The following TANGO6 variants were observed in gnomAD, a reference collection of about 807,000 sequenced individuals.
TANGO6 encodes transport and Golgi organization protein 6 homolog.
TANGO6 carries 90 observed loss-of-function variants against 114.2 expected under a neutral mutation model. The observed-to-expected ratio is 0.79, with a 90% CI of 0.66 to 0.94. The LOEUF (loss-of-function observed/expected upper bound fraction) is 0.94, where lower values mean the gene tolerates loss of function less well. Among genes scored for constraint, TANGO6 ranks in the 40% least tolerant of loss-of-function variants. TANGO6 has a pLI of 0.00. For synonymous variants in TANGO6, 477 were observed against 509.8 expected (o/e 0.94, Z 0.87); for missense variants, 1,274 against 1,315.3 (o/e 0.97, Z 0.49).
intron 14 of TANGO6, among the ~76,000 whole-genome samples, chr16:68,942,533 A>G (rs1375639757): frequency 6.6e-6 from 1 of 152,210 alleles, no homozygotes; most frequent in Non-Finnish European, 1.5e-5. Context: ...ATCAAACCTG[A>G]TGAAAAGATT....
At chr16:68,964,502 G>A (rs1963624907) in intron 14 of TANGO6, among the ~76,000 whole-genome samples, 1 of 150,654 alleles carries the variant, frequency 6.6e-6, no homozygotes, top group Non-Finnish European at 1.5e-5. Context: ...TTTGCATCTT[G>A]CTTTTTACTT....
At chr16:68,918,773 G>A (rs757047417) in intron 11 of TANGO6, among the ~76,000 whole-genome samples, 22 of 152,214 alleles carry the variant, frequency 1.4e-4, no homozygotes, top group Non-Finnish European at 2.5e-4. Context: ...GGAGCTTCCC[G>A]CTTGCTGAAC....
intron 15 of TANGO6, among the ~76,000 whole-genome samples, chr16:69,007,973 C>A (rs766969911): frequency 2.5e-4 from 38 of 152,024 alleles, no homozygotes; most frequent in Non-Finnish European, 4.7e-4. Flanking sequence ...TTTTTCAGAT[C>A]TTTTTTAATT....
chr16:69,061,259 T>C (rs114202105), intron 17 of TANGO6, among the ~76,000 whole-genome samples: 3,867 of 152,202 alleles, frequency 0.025, 164 homozygotes, highest in African/African-American at 0.087. Context: ...CTAGAATCAC[T>C]CTGCTTTTCA....
At chr16:68,985,985 G>A (rs77922784) in intron 15 of TANGO6, among the ~76,000 whole-genome samples, 225 of 152,284 alleles carry the variant, frequency 1.5e-3, no homozygotes, top group African/African-American at 4.8e-3. Context: ...CAGGGGAGGT[G>A]GGTGGGTGGA....
chr16:68,855,911 T>C (rs1342499631), intron 1 of TANGO6, among the ~76,000 whole-genome samples: 1 of 152,182 alleles, frequency 6.6e-6, no homozygotes, highest in Non-Finnish European at 1.5e-5. Context: ...AATTTCATTT[T>C]CTCATTTTTG....
At chr16:68,957,694 C>T (rs1963547253) in intron 14 of TANGO6, among the ~76,000 whole-genome samples, 1 of 151,800 alleles carries the variant, frequency 6.6e-6, no homozygotes, top group Admixed American at 6.6e-5. Flanking sequence ...TCACCATGCC[C>T]AGCAAGCATA....
intron 4 of TANGO6, chr16:68,867,978 CAA>C (rs5817656): frequency 2.3e-4 from 26 of 112,232 alleles, no homozygotes; most frequent in Non-Finnish European, 1.3e-4. Flanking sequence ...TCTGTTTCTA[CAA>C]AAAAAAAAAA....
chr16:68,967,062 G>A (rs1469449980), intron 14 of TANGO6, among the ~76,000 whole-genome samples: 1 of 152,144 alleles, frequency 6.6e-6, no homozygotes, highest in Non-Finnish European at 1.5e-5. Flanking sequence ...GTGAGCCGCT[G>A]TGCCCAGCCT....
intron 14 of TANGO6, among the ~76,000 whole-genome samples, chr16:68,968,359 T>C (rs1185106402): frequency 1.2e-4 from 18 of 150,036 alleles, no homozygotes; most frequent in Non-Finnish European, 2.7e-4. Flanking sequence ...CTACCGCACC[T>C]GGCCTTTTTT....
At chr16:68,909,613 G>A (rs1422026430) in intron 11 of TANGO6, 3 of 389,546 alleles carry the variant, frequency 7.7e-6, no homozygotes, top group African/African-American at 2.1e-5. Flanking sequence ...ACAAGCTCCC[G>A]AGGTGATTCT....
At chr16:68,905,080 G>A (rs1255183976) in intron 9 of TANGO6, among the ~76,000 whole-genome samples, 8 of 151,740 alleles carry the variant, frequency 5.3e-5, no homozygotes. Flanking sequence ...AAATTAGCCG[G>A]GCGTGGTGGC....
chr16:68,872,501 C>T (rs1385906254), intron 4 of TANGO6, among the ~76,000 whole-genome samples: 1 of 151,544 alleles, frequency 6.6e-6, no homozygotes, highest in Non-Finnish European at 1.5e-5. Context: ...AGCGTTTCAC[C>T]ATGTTGGCCA....
intron 17 of TANGO6, among the ~76,000 whole-genome samples, chr16:69,065,994 T>C (rs751838980): frequency 1.2e-4 from 18 of 152,164 alleles, no homozygotes; most frequent in Non-Finnish European, 1.9e-4. Flanking sequence ...CTCAAAGACC[T>C]TGGAGTCTGG....
intron 17 of TANGO6, among the ~76,000 whole-genome samples, chr16:69,065,669 A>T (rs1435913724): frequency 6.6e-6 from 1 of 152,198 alleles, no homozygotes; most frequent in Non-Finnish European, 1.5e-5. Flanking sequence ...TAATAATGCC[A>T]CTGTGAACTT....
At position 68,945,690 on chromosome 16, in the gene TANGO6, C is replaced by A. The variant is rs1251038236; in HGVS notation, c.2701+15395C>A. Among the ~76,000 whole-genome samples, 4 of 151,112 alleles carry A rather than the reference C, an allele frequency of 2.6e-5. No homozygotes were observed. The East Asian group carries it at 7.7e-4, about 29-fold the overall frequency. On this transcript the variant is annotated intron_variant, in intron 14 of 17. Transcript: ENST00000261778. ...GAGAAGTGTCTATTCAGATTCTTTG[C>A]CTTTTTTTTTTTTGAGATGGAGTCT...
At chr16:69,031,949 C>G (rs1308500082) in intron 16 of TANGO6, among the ~76,000 whole-genome samples, 1 of 151,930 alleles carries the variant, frequency 6.6e-6, no homozygotes, top group African/African-American at 2.4e-5. Flanking sequence ...AGGAATGAGT[C>G]ACTCCGCCCA....
At chr16:68,973,578 G>A (rs1963731362) in intron 14 of TANGO6, among the ~76,000 whole-genome samples, 2 of 152,152 alleles carry the variant, frequency 1.3e-5, no homozygotes, top group Admixed American at 1.3e-4. Context: ...CTACGAAGGG[G>A]GGACTCAGGG....
chr16:68,868,474 A>G (rs1402770309), intron 4 of TANGO6, among the ~76,000 whole-genome samples: 2 of 128,576 alleles, frequency 1.6e-5, no homozygotes, highest in Non-Finnish European at 3.5e-5. Flanking sequence ...TTTTTCTGGT[A>G]TTTACCTCTA....
Sources: allele counts gnomAD v4.1 joint callset (sites outside exome capture counted in the v4.1 genomes callset), GRCh38; gene constraint gnomAD v4.1.1; transcripts MANE v1.5; gene names NCBI Gene and HGNC (gene_info 2026-07-23, HGNC 2026-07-21).